Variants in TEX9 observed in about 807,000 individuals in gnomAD.
The protein encoded by TEX9 is testis-expressed protein 9.
Under a neutral mutation model 59.6 loss-of-function variants are expected in TEX9, and 74 were observed. The observed-to-expected ratio is 1.24, with a 90% CI of 1.03 to 1.51. The LOEUF is 1.51. Among genes scored for constraint, TEX9 ranks in the 40% most tolerant of loss-of-function variants. The pLI is 0.00. For synonymous variants in TEX9, 186 were observed against 152.2 expected (o/e 1.22, Z -1.64); for missense variants, 522 against 447.8 (o/e 1.17, Z -1.49).
At chr15:56,335,878 C>G (rs191006240) in intron 1 of TEX9, among the ~76,000 whole-genome samples, 2 of 152,120 alleles carry the variant, frequency 1.3e-5, no homozygotes, top group Admixed American at 6.5e-5. Flanking sequence ...AGAAATATGA[C>G]TTATATAAGT....
At chr15:56,262,682 C>CTTGCATCTA (rs1330978231) in intron 1 of TEX9, among the ~76,000 whole-genome samples, 1 of 152,184 alleles carries the variant, frequency 6.6e-6, no homozygotes, top group Non-Finnish European at 1.5e-5. Flanking sequence ...TAATTATCCT[C>CTTGCATCTA]TTGCATCTAA....
chr15:56,420,048 C>G lies in TEX9; in HGVS notation c.964-7557C>G, dbSNP rs190616206. Among the ~76,000 whole-genome samples, 61 of 151,428 alleles carry G rather than the reference C, an allele frequency of 4.0e-4. No individual in the cohort carries two copies. In the East Asian group the frequency reaches 6.8e-3, roughly 17 times the overall value. On this transcript the variant is annotated intron_variant, in intron 10 of 12. Coordinates refer to ENST00000352903, the Ensembl canonical transcript of TEX9. ...CATTTCGTTTATGTTGTCAAATTTA[C>G]TGGCATACAGTTTTTTACACTAGTT...
At chr15:56,391,062 G>A (rs1348364546) in intron 6 of TEX9, among the ~76,000 whole-genome samples, 181 bp from the exon 7 acceptor site, 2 of 151,952 alleles carry the variant, frequency 1.3e-5, no homozygotes. Flanking sequence ...TTTAAAATGT[G>A]TAATAGTAGT....
Position 56,357,116 on chromosome 15 carries a change from T to C in TEX9, c.-106-16325T>C, listed in dbSNP as rs369510646. On this transcript the variant is annotated intron_variant, in intron 1 of 5. Coordinates refer to the TEX9 transcript ENST00000560827. ...CTTACTATGTCCCCTACCCTATAAATTCAGAAGATAGAAGTTTGTCCTACC... is the reference window on the plus strand; with the variant it reads ...CTTACTATGTCCCCTACCCTATAAACTCAGAAGATAGAAGTTTGTCCTACC... Among the ~76,000 whole-genome samples, 10 of 152,216 alleles carry C rather than the reference T, an allele frequency of 6.6e-5. No individual in the cohort carries two copies. In the South Asian group the frequency reaches 1.0e-3, roughly 16 times the overall value.
At chr15:56,385,455 T>C (rs2047917848) in intron 4 of TEX9, among the ~76,000 whole-genome samples, 1 of 152,160 alleles carries the variant, frequency 6.6e-6, no homozygotes. Context: ...AAATGGCACA[T>C]AGTGAAACTT....
At chr15:56,294,612 G>A (rs1269753831) in intron 1 of TEX9, among the ~76,000 whole-genome samples, 3 of 152,074 alleles carry the variant, frequency 2.0e-5, no homozygotes, top group Non-Finnish European at 2.9e-5. Flanking sequence ...ATCTTAAGGA[G>A]CCTTTGGTAA....
At chr15:56,337,196 A>G (rs1297127608) in intron 1 of TEX9, among the ~76,000 whole-genome samples, 1 of 152,128 alleles carries the variant, frequency 6.6e-6, no homozygotes, top group East Asian at 1.9e-4. Context: ...ATAAATCATT[A>G]TTTCCCTCCT....
chr15:56,409,448 C>A (rs893131496), intron 9 of TEX9, among the ~76,000 whole-genome samples: 3 of 152,066 alleles, frequency 2.0e-5, no homozygotes, highest in Non-Finnish European at 2.9e-5. Flanking sequence ...ACTACAGGAT[C>A]TTTGTCTTCA....
chr15:56,375,391 G>A (rs1226211782), intron 3 of TEX9, among the ~76,000 whole-genome samples: 2 of 151,888 alleles, frequency 1.3e-5, no homozygotes, highest in Non-Finnish European at 2.9e-5. Flanking sequence ...ATTTGTTTGA[G>A]TTCATTGTAG....
At chr15:56,448,270 T>C (rs2050922336), downstream of TEX9, among the ~76,000 whole-genome samples, 1 of 152,196 alleles carries the variant, frequency 6.6e-6, no homozygotes, top group Non-Finnish European at 1.5e-5. Flanking sequence ...TTTTAGATAC[T>C]GGGGGTACAT....
intron 10 of TEX9, among the ~76,000 whole-genome samples, chr15:56,420,381 C>T (rs1202057439): frequency 6.6e-6 from 1 of 151,394 alleles, no homozygotes; most frequent in Non-Finnish European, 1.5e-5. Flanking sequence ...AAACTTGGCT[C>T]ACTGCAACCT....
Position 56,386,838 on chromosome 15 carries a change from C to T in TEX9, c.264-1634C>T, listed in dbSNP as rs551258883. Among the ~76,000 whole-genome samples, 8 of 151,836 alleles carry T rather than the reference C, an allele frequency of 5.3e-5. No homozygotes were observed. In the South Asian group the frequency reaches 1.7e-3, roughly 32 times the overall value. Reference sequence around the variant, plus strand: ...TTTTTTTTTAATGCAACTGTTTGAACAGATGGCTTTTACCATGTAAAACAT... The same window carrying T: ...TTTTTTTTTAATGCAACTGTTTGAATAGATGGCTTTTACCATGTAAAACAT... On this transcript the variant is annotated intron_variant, in intron 4 of 12. Coordinates refer to ENST00000352903, the Ensembl canonical transcript of TEX9.
intron 1 of TEX9, among the ~76,000 whole-genome samples, chr15:56,301,027 C>T (rs2141564751): frequency 6.6e-6 from 1 of 152,252 alleles, no homozygotes; most frequent in Admixed American, 6.5e-5. Flanking sequence ...ACTTGGTTGA[C>T]AAATCACAGA....
At chr15:56,317,677 A>T (rs1472297723) in intron 1 of TEX9, among the ~76,000 whole-genome samples, 1 of 152,154 alleles carries the variant, frequency 6.6e-6, no homozygotes, top group Non-Finnish European at 1.5e-5. Context: ...GACATTTCTA[A>T]GTACAGCTTA....
intron 12 of TEX9, among the ~76,000 whole-genome samples, chr15:56,438,326 T>C (rs2050762949): frequency 6.6e-6 from 1 of 151,868 alleles, no homozygotes; most frequent in Non-Finnish European, 1.5e-5. Context: ...TCTACAACCA[T>C]CTGCTCTTTT....
intron 1 of TEX9, among the ~76,000 whole-genome samples, chr15:56,337,053 G>A (rs1166325144): frequency 6.6e-6 from 1 of 152,160 alleles, no homozygotes; most frequent in Non-Finnish European, 1.5e-5. Context: ...TCATGTAATA[G>A]TTATTTCGCA....
intron 1 of TEX9, among the ~76,000 whole-genome samples, chr15:56,348,494 G>A (rs1418451794): frequency 2.6e-5 from 4 of 151,936 alleles, no homozygotes; most frequent in Admixed American, 6.6e-5. Context: ...TTCATTATTG[G>A]CATATATTTT....
chr15:56,428,070 T>C (rs935188624), intron 11 of TEX9, among the ~76,000 whole-genome samples: 2 of 152,064 alleles, frequency 1.3e-5, no homozygotes, highest in African/African-American at 4.8e-5. Context: ...GAACATCACT[T>C]CCAAACCACT....
intron 1 of TEX9, among the ~76,000 whole-genome samples, chr15:56,246,248 T>A (rs1251389286): frequency 6.6e-6 from 1 of 151,364 alleles, no homozygotes; most frequent in Admixed American, 6.6e-5. Flanking sequence ...CTGACCGGAG[T>A]GTGGTGGTAA....
Sources: gnomAD v4.1 joint callset for allele counts (sites outside exome capture counted in the v4.1 genomes callset) on GRCh38, gnomAD v4.1.1 for gene constraint, MANE v1.5 for transcripts, NCBI Gene and HGNC (gene_info 2026-07-23, HGNC 2026-07-21) for gene names.